Variants in OPCML observed in about 807,000 individuals in gnomAD.
OPCML encodes opioid-binding protein/cell adhesion molecule.
OPCML carries 13 observed loss-of-function variants against 37.8 expected under a neutral mutation model. The ratio of observed to expected loss-of-function variants is 0.34; its 90% CI spans 0.22 to 0.55. The LOEUF is 0.55. Among genes scored for constraint, OPCML ranks in the 20% least tolerant of loss-of-function variants. The pLI is 0.91. For missense variants in OPCML, 341 were observed against 435.6 expected (o/e 0.78, Z 1.93); for synonymous variants, 176 against 168.8 (o/e 1.04, Z -0.33).
At chr11:132,842,262 G>A (rs751039315) in intron 2 of OPCML, among the ~76,000 whole-genome samples, 13 of 152,074 alleles carry the variant, frequency 8.5e-5, no homozygotes, top group East Asian at 3.9e-4. Flanking sequence ...CTCTCACGCC[G>A]CACGTTCCAC....
chr11:133,235,722 T>G (rs948354912), intron 1 of OPCML, among the ~76,000 whole-genome samples: 2 of 152,162 alleles, frequency 1.3e-5, no homozygotes, highest in East Asian at 3.9e-4. Flanking sequence ...CCAGAAGAGC[T>G]TCCTACTGCA....
intron 1 of OPCML, among the ~76,000 whole-genome samples, chr11:132,966,499 A>G (rs1157829787): frequency 6.6e-6 from 1 of 152,160 alleles, no homozygotes; most frequent in African/African-American, 2.4e-5. Context: ...AATGCTCCAT[A>G]TGTACTTGAA....
intron 1 of OPCML, among the ~76,000 whole-genome samples, chr11:133,315,626 C>G (rs1010565324): frequency 3.3e-5 from 5 of 152,188 alleles, no homozygotes; most frequent in African/African-American, 1.2e-4. Flanking sequence ...TGGTGAATCC[C>G]TGTCTCTACT....
At chr11:133,321,044 A>T (rs956373048) in intron 1 of OPCML, among the ~76,000 whole-genome samples, 3 of 152,132 alleles carry the variant, frequency 2.0e-5, no homozygotes, top group African/African-American at 7.2e-5. Context: ...ACAACCCCTC[A>T]GCCATGTCTT....
chr11:132,750,296 T>G (rs965195150), intron 2 of OPCML, among the ~76,000 whole-genome samples: 2 of 152,178 alleles, frequency 1.3e-5, no homozygotes, highest in Non-Finnish European at 2.9e-5. Context: ...GGAAGTAAAT[T>G]ATATAATATA....
At chr11:132,858,735 G>T (rs1439339912) in intron 2 of OPCML, among the ~76,000 whole-genome samples, 4 of 152,160 alleles carry the variant, frequency 2.6e-5, no homozygotes, top group African/African-American at 9.7e-5. Context: ...AAATACATAT[G>T]CAAGTGTTTT....
intron 2 of OPCML, among the ~76,000 whole-genome samples, chr11:132,686,958 C>A (rs1943186201): frequency 6.6e-6 from 1 of 152,052 alleles, no homozygotes; most frequent in Non-Finnish European, 1.5e-5. Flanking sequence ...GATAGACACC[C>A]CTTCTGGACA....
chr11:132,918,257 A>G (rs901125441), intron 2 of OPCML, among the ~76,000 whole-genome samples: 1 of 152,222 alleles, frequency 6.6e-6, no homozygotes, highest in African/African-American at 2.4e-5. Flanking sequence ...GTGCATATAA[A>G]GGGCACTGAT....
rs1214971715 is a variant in OPCML at position 133,173,928 on chromosome 11, GCCCTCT to G, written c.62-230924_62-230919del. On this transcript the variant is annotated intron_variant, in intron 1 of 7. Coordinates refer to ENST00000524381, the MANE Select transcript of OPCML (RefSeq NM_001012393.5). This position sits in a 1 kb window ranked among gnomAD's most constrained non-coding sequence, Gnocchi z 7.8. ...ACCGGGGCCGGCCGGCACTGGAGCA[GCCCTCT>G]CCCTCCATCCATTCTACAAGGATCC... 6.6e-6 allele frequency among the ~76,000 whole-genome samples: 1 copy of G among 152,198 alleles called. No individual in the cohort carries two copies. The highest frequency in any genetic ancestry group is 1.9e-4 in the East Asian group (1 of 5,186).
chr11:132,590,880 C>T (rs2096483295), intron 3 of OPCML, among the ~76,000 whole-genome samples: 1 of 152,198 alleles, frequency 6.6e-6, no homozygotes, highest in Non-Finnish European at 1.5e-5. Context: ...GCTTGCCAAA[C>T]ACTAAACACA....
At chr11:132,659,581 T>C (rs1333558985) in intron 2 of OPCML, among the ~76,000 whole-genome samples, 2 of 152,186 alleles carry the variant, frequency 1.3e-5, no homozygotes, top group Non-Finnish European at 2.9e-5. Flanking sequence ...TTTTGCTTAG[T>C]TATGTAACCC....
intron 4 of OPCML, among the ~76,000 whole-genome samples, chr11:132,484,264 A>G (rs1448363912): frequency 1.3e-5 from 2 of 152,246 alleles, no homozygotes; most frequent in Non-Finnish European, 2.9e-5. Flanking sequence ...AAAGGACATG[A>G]ACAGACACTT....
chr11:132,994,201 C>T lies in OPCML; in HGVS notation c.62-51191G>A, dbSNP rs546778084. Among the ~76,000 whole-genome samples, 10 of 152,340 alleles carry T rather than the reference C, an allele frequency of 6.6e-5. No homozygotes were observed. In the South Asian group the frequency reaches 2.1e-3, roughly 32 times the overall value. ...ATAAGATTCAGGGCGGGAGTCCCCG[C>T]GCCGCAGCGGCTGGTGCGCTCCTGC... On this transcript the variant is annotated intron_variant, in intron 1 of 7. Coordinates refer to ENST00000524381, the MANE Select transcript of OPCML (RefSeq NM_001012393.5).
At chr11:132,666,433 T>C (rs1942222664) in intron 2 of OPCML, among the ~76,000 whole-genome samples, 1 of 151,988 alleles carries the variant, frequency 6.6e-6, no homozygotes, top group South Asian at 2.1e-4. Context: ...TCATGAGGAA[T>C]CCACCCCCAT....
intron 1 of OPCML, among the ~76,000 whole-genome samples, chr11:133,226,375 C>A (rs185653975): frequency 5.3e-5 from 8 of 152,316 alleles, no homozygotes; most frequent in Admixed American, 2.6e-4. Context: ...CCACTCCAGC[C>A]AGGACAGAGC....
chr11:133,101,408 A>C (rs937471425), intron 1 of OPCML, among the ~76,000 whole-genome samples: 3 of 152,268 alleles, frequency 2.0e-5, no homozygotes, highest in Non-Finnish European at 4.4e-5. Context: ...ACTATTATCC[A>C]AAATATAGAA....
chr11:133,441,160 A>G (rs915973119), intron 1 of OPCML, among the ~76,000 whole-genome samples: 3 of 152,190 alleles, frequency 2.0e-5, no homozygotes, highest in African/African-American at 7.2e-5. Flanking sequence ...TTGTAATTAA[A>G]AATAAATCCA....
intron 1 of OPCML, among the ~76,000 whole-genome samples, chr11:132,949,276 G>A (rs1945808556): frequency 6.6e-6 from 1 of 152,204 alleles, no homozygotes; most frequent in Admixed American, 6.5e-5. Flanking sequence ...TAAGACTGTA[G>A]GCCTATAATA....
chr11:133,147,994 T>C (rs753914325), intron 1 of OPCML, among the ~76,000 whole-genome samples: 3 of 152,166 alleles, frequency 2.0e-5, no homozygotes, highest in Non-Finnish European at 4.4e-5. Flanking sequence ...TGCCATCTGA[T>C]GTTGGGAAGC....
Sources: allele counts gnomAD v4.1 joint callset (sites outside exome capture counted in the v4.1 genomes callset), GRCh38; gene constraint gnomAD v4.1.1; non-coding constraint Gnocchi (gnomAD v3.1); transcripts MANE v1.5; gene names NCBI Gene and HGNC (gene_info 2026-07-23, HGNC 2026-07-21).